Variants in DOCK10 observed in about 807,000 individuals in gnomAD.
The protein encoded by DOCK10 is dedicator of cytokinesis 10, also known as dedicator of cytokinesis protein 10.
A neutral mutation model predicts 280.1 loss-of-function variants in DOCK10; 145 were observed. The observed-to-expected ratio is 0.52, with a 90% CI of 0.45 to 0.59. The LOEUF is 0.59. DOCK10 is among the 20% of genes least tolerant of loss of function. The pLI is 0.00. For missense variants in DOCK10, 2,368 were observed against 2,651.7 expected (o/e 0.89, Z 2.35); for synonymous variants, 915 against 942.2 (o/e 0.97, Z 0.53).
chr2:224,922,459 T>TTCCAA (rs1701817406), intron 2 of DOCK10, among the ~76,000 whole-genome samples: 2 of 152,174 alleles, frequency 1.3e-5, no homozygotes, highest in Non-Finnish European at 2.9e-5. Context: ...CAGCTGAGCT[T>TTCCAA]CTCCTTTGGT....
intron 1 of DOCK10, among the ~76,000 whole-genome samples, chr2:224,949,805 G>A (rs1212153077): frequency 6.6e-6 from 1 of 152,188 alleles, no homozygotes; most frequent in Non-Finnish European, 1.5e-5. Flanking sequence ...TAGGTTTGTG[G>A]TGAGGATAAA....
intron 1 of DOCK10, among the ~76,000 whole-genome samples, chr2:225,022,521 C>T (rs999342113): frequency 6.6e-6 from 1 of 152,174 alleles, no homozygotes; most frequent in Non-Finnish European, 1.5e-5. Flanking sequence ...CTCTCCTAAC[C>T]ACACATTTTC....
intron 1 of DOCK10, among the ~76,000 whole-genome samples, chr2:224,989,152 G>A (rs954554794): frequency 1.3e-5 from 2 of 152,184 alleles, no homozygotes; most frequent in African/African-American, 4.8e-5. Context: ...CTGCTGCAGA[G>A]GGAACCAGCC....
rs757528472 is a variant in DOCK10 at position 224,864,976 on chromosome 2, C to T, written c.1369G>A (p.Gly457Arg). Reference protein sequence around the residue: ...NHAAVRQMLLGASVALENGNI... With the variant: ...NHAAVRQMLLRASVALENGNI... The stretch of plus-strand genomic sequence containing the variant: ...CCATTTTCCAAAGCCACAGAAGCCC[C>T]CAAGAGCATCTGTCTGACAGCAGCA... Residue 457 changes from glycine to arginine, a missense_variant, in exon 12 of 56, where the codon GGG (glycine) becomes AGG (arginine). Gly to Arg is a moderately radical substitution (Grantham distance 125). This residue lies in a region of DOCK10 where 1,209 missense variants were observed against 1,250.9 expected (regional missense o/e 0.97). Transcript: ENST00000258390. The T allele has an allele frequency of 2.5e-6, 4 of 1,613,712 alleles. No homozygotes were observed. The South Asian group carries it at 3.3e-5, about 13-fold the overall frequency.
At chr2:224,766,539 A>T (rs1042076145) in intron 55 of DOCK10, among the ~76,000 whole-genome samples, 1 of 152,186 alleles carries the variant, frequency 6.6e-6, no homozygotes, top group African/African-American at 2.4e-5. Flanking sequence ...TCTCCTTATG[A>T]TCAATATCAC....
chr2:224,874,385 A>G, intron 9 of DOCK10, 36 bp from the exon 10 acceptor site: 1 of 1,517,838 alleles, frequency 6.6e-7, no homozygotes, highest in East Asian at 2.3e-5. Context: ...TGGTATCTAA[A>G]TATCCAGATA....
intron 41 of DOCK10, 105 bp from the exon 42 acceptor site, chr2:224,798,074 G>A: frequency 8.9e-7 from 1 of 1,118,328 alleles, no homozygotes; most frequent in Non-Finnish European, 1.3e-6. Context: ...ACTATTTTGA[G>A]TGCTAGAAAT....
At chr2:224,893,164 G>T (rs1005905342) in intron 4 of DOCK10, among the ~76,000 whole-genome samples, 2 of 152,172 alleles carry the variant, frequency 1.3e-5, no homozygotes, top group Non-Finnish European at 2.9e-5. Flanking sequence ...TCAGCTGTAA[G>T]TTTTGGGGTA....
At chr2:224,929,551 G>A (rs1256758150) in intron 2 of DOCK10, among the ~76,000 whole-genome samples, 2 of 152,280 alleles carry the variant, frequency 1.3e-5, no homozygotes, top group East Asian at 3.9e-4. Context: ...GGGTCATGCC[G>A]AGGTGATTGC....
At chr2:225,003,970 A>G (rs932791108) in intron 1 of DOCK10, among the ~76,000 whole-genome samples, 4 of 152,234 alleles carry the variant, frequency 2.6e-5, no homozygotes, top group Non-Finnish European at 5.9e-5. Flanking sequence ...ATGACAAACT[A>G]AGGAGATAGT....
intron 1 of DOCK10, among the ~76,000 whole-genome samples, chr2:224,948,471 A>C (rs11678589): frequency 0.53 from 80,846 of 152,086 alleles, 23,295 homozygotes; most frequent in Non-Finnish European, 0.64. Flanking sequence ...TTCACCCTCA[A>C]AGTAACGCTT....
intron 3 of DOCK10, among the ~76,000 whole-genome samples, chr2:224,915,305 A>G (rs2125930057): frequency 6.6e-6 from 1 of 152,340 alleles, no homozygotes; most frequent in South Asian, 2.1e-4. Context: ...GCAACTCTAA[A>G]CAAAATATTA....
At chr2:224,971,140 T>C (rs1055110502) in intron 1 of DOCK10, among the ~76,000 whole-genome samples, 3 of 152,218 alleles carry the variant, frequency 2.0e-5, no homozygotes, top group Admixed American at 6.5e-5. Flanking sequence ...TTTTATTCTA[T>C]ATAATCTATA....
At chr2:224,962,907 C>A (rs1205068293) in intron 1 of DOCK10, among the ~76,000 whole-genome samples, 4 of 152,148 alleles carry the variant, frequency 2.6e-5, no homozygotes, top group African/African-American at 9.7e-5. Flanking sequence ...GTTAGTCCCA[C>A]AGTTGTATTT....
chr2:224,909,635 T>C (rs1700887123), intron 3 of DOCK10, among the ~76,000 whole-genome samples: 2 of 152,280 alleles, frequency 1.3e-5, no homozygotes, highest in Non-Finnish European at 2.9e-5. Context: ...AAAGCCTTAA[T>C]TCTGGCTCTG....
chr2:224,986,398 G>A (rs1705974201), intron 1 of DOCK10, among the ~76,000 whole-genome samples: 2 of 152,116 alleles, frequency 1.3e-5, no homozygotes. Flanking sequence ...GTCATGATCA[G>A]AACTTATTTA....
At chr2:224,824,627 T>C (rs908790319) in intron 27 of DOCK10, among the ~76,000 whole-genome samples, 1 of 151,678 alleles carries the variant, frequency 6.6e-6, no homozygotes, top group Non-Finnish European at 1.5e-5. Flanking sequence ...AGTGACAGGG[T>C]TTCGTCATGT....
chr2:224,845,055 C>T, intron 21 of DOCK10, 148 bp downstream of exon 21: 1 of 935,568 alleles, frequency 1.1e-6, no homozygotes, highest in Non-Finnish European at 1.6e-6. Flanking sequence ...TGGCCATAAG[C>T]TAAACAAGAG....
chr2:224,820,296 T>C (rs1442709752), intron 28 of DOCK10, among the ~76,000 whole-genome samples: 1 of 152,214 alleles, frequency 6.6e-6, no homozygotes, highest in African/African-American at 2.4e-5. Context: ...ACTTGCTCTC[T>C]CTCCAAAAGA....
Sources: allele counts gnomAD v4.1 joint callset (sites outside exome capture counted in the v4.1 genomes callset), GRCh38; gene constraint gnomAD v4.1.1; regional missense constraint gnomAD v4.1.1; transcripts MANE v1.5; gene names NCBI Gene and HGNC (gene_info 2026-07-23, HGNC 2026-07-21).